Variants in PLAUR observed in about 807,000 individuals in gnomAD.
PLAUR encodes the protein plasminogen activator, urokinase receptor, also known as urokinase plasminogen activator surface receptor.
In PLAUR, 22 loss-of-function variants were observed where a neutral mutation model predicts 33.4. The ratio of observed to expected loss-of-function variants is 0.66; its 90% CI spans 0.47 to 0.94. The LOEUF (loss-of-function observed/expected upper bound fraction) is 0.94, where lower values mean the gene tolerates loss of function less well. PLAUR is among the 40% of genes least tolerant of loss of function. The pLI is 0.00. For synonymous variants in PLAUR, 148 were observed against 167.3 expected (o/e 0.88, Z 0.89); for missense variants, 408 against 434.7 (o/e 0.94, Z 0.55).
intron 3 of PLAUR, chr19:43,661,164 C>T (rs1390104642): frequency 6.6e-6 from 1 of 152,196 alleles, no homozygotes; most frequent in East Asian, 1.9e-4. Context: ...TTTCTGTGGT[C>T]CCATCCATTC....
chr19:43,669,401 T>G (rs1049479988), intron 1 of PLAUR, among the ~76,000 whole-genome samples: 23 of 152,220 alleles, frequency 1.5e-4, no homozygotes, highest in African/African-American at 5.5e-4. Flanking sequence ...CTGTGTGATT[T>G]TAGGCCAGTT....
At chr19:43,665,757 C>G (rs1265999701) in intron 2 of PLAUR, among the ~76,000 whole-genome samples, 1 of 22,036 alleles carries the variant, frequency 4.5e-5, no homozygotes, top group African/African-American at 1.7e-4. Context: ...GCCTTGACCT[C>G]CCAGGCTCAA....
rs1290637565 is a variant in PLAUR at position 43,655,515 on chromosome 19, G to A, written c.531C>T (p.Gly177=). The change falls in exon 5 of 7, where the codon GGC becomes GGT. Residue 177 remains glycine (G), a synonymous_variant. Transcript: ENST00000340093. ...TGTCGTTGTTGTGGAAACCATTGGAGCCCGGGCAGCCGGGAAGGTAGCCAC... is the reference window on the plus strand; with the variant it reads ...TGTCGTTGTTGTGGAAACCATTGGAACCCGGGCAGCCGGGAAGGTAGCCAC... ...RGCGYLPGCP[G]SNGFHNNDTF... 2 of 1,614,096 alleles carry A rather than the reference G, an allele frequency of 1.2e-6. No individual in the cohort carries two copies. The highest frequency in any genetic ancestry group is 1.7e-5 in the Admixed American group (1 of 60,002).
At chr19:43,662,746 G>A (rs1214544320) in intron 3 of PLAUR, among the ~76,000 whole-genome samples, 5 of 146,844 alleles carry the variant, frequency 3.4e-5, no homozygotes, top group Non-Finnish European at 4.5e-5. Context: ...GCAGGATCTC[G>A]CTCTGTCACC....
intron 2 of PLAUR, among the ~76,000 whole-genome samples, chr19:43,666,371 G>A (rs370519476): frequency 6.6e-6 from 1 of 152,042 alleles, no homozygotes; most frequent in Non-Finnish European, 1.5e-5. Flanking sequence ...AGCTGCAGTA[G>A]AGCGCTCCAT....
downstream of PLAUR, among the ~76,000 whole-genome samples, chr19:43,648,299 C>A (rs934179610): frequency 6.6e-6 from 1 of 152,060 alleles, no homozygotes; most frequent in Non-Finnish European, 1.5e-5. Flanking sequence ...CCTCAGCCTC[C>A]CGAATAGCTG....
chr19:43,664,780 A>T (rs1276759978), intron 3 of PLAUR, among the ~76,000 whole-genome samples: 1 of 152,058 alleles, frequency 6.6e-6, no homozygotes, highest in Non-Finnish European at 1.5e-5. Flanking sequence ...TATTGCTTGG[A>T]CCATCTCCCG....
chr19:43,658,947 A>T (rs1974320009), intron 3 of PLAUR, among the ~76,000 whole-genome samples: 1 of 151,454 alleles, frequency 6.6e-6, no homozygotes, highest in Admixed American at 6.6e-5. Context: ...ACTTTCTCTA[A>T]CTCCTATTCA....
intron 6 of PLAUR, among the ~76,000 whole-genome samples, chr19:43,649,973 C>T (rs1171457017): frequency 6.6e-6 from 1 of 150,610 alleles, no homozygotes; most frequent in African/African-American, 2.4e-5. Flanking sequence ...AAGAGATGTG[C>T]AACACAGCAA....
chr19:43,658,322 C>T (rs1358075306), intron 3 of PLAUR, among the ~76,000 whole-genome samples: 1 of 152,134 alleles, frequency 6.6e-6, no homozygotes, highest in African/African-American at 2.4e-5. Context: ...ATGACTGCAG[C>T]CCCAGCTGAC....
chr19:43,663,729 C>T (rs534741871), intron 3 of PLAUR, among the ~76,000 whole-genome samples: 20 of 148,700 alleles, frequency 1.3e-4, no homozygotes, highest in African/African-American at 4.5e-4. Context: ...TGCAGAGAGC[C>T]GAGATCGTGG....
At chr19:43,652,110 A>G (rs1974016836) in intron 6 of PLAUR, 115 bp downstream of exon 6, 6 of 1,532,714 alleles carry the variant, frequency 3.9e-6, no homozygotes, top group Non-Finnish European at 4.4e-6. Flanking sequence ...AGGAAATCCC[A>G]CCTTTTCCAC....
chr19:43,646,156 C>A, downstream of PLAUR: 1 of 233,200 alleles, frequency 4.3e-6, no homozygotes, highest in Non-Finnish European at 8.5e-6. Context: ...CCAGGCTGAT[C>A]TTGAACTCCT....
chr19:43,666,407 T>C (rs1259635845), intron 2 of PLAUR, among the ~76,000 whole-genome samples: 2 of 152,184 alleles, frequency 1.3e-5, no homozygotes, highest in Admixed American at 6.5e-5. Context: ...ACAGTGTTTC[T>C]CTTCTGCTGC....
intron 1 of PLAUR, among the ~76,000 whole-genome samples, chr19:43,668,916 C>T (rs1372980435): frequency 1.3e-5 from 2 of 152,084 alleles, no homozygotes; most frequent in African/African-American, 4.8e-5. Context: ...CCCTCTGGCT[C>T]CTCCCCGACA....
intron 5 of PLAUR, among the ~76,000 whole-genome samples, chr19:43,654,560 C>A (rs550704721): frequency 5.9e-5 from 9 of 152,130 alleles, no homozygotes; most frequent in Non-Finnish European, 1.0e-4. Flanking sequence ...CAAAGCAAGA[C>A]CCCATCTCTA....
chr19:43,655,712 A>C, intron 4 of PLAUR, 139 bp from the exon 5 acceptor site: 1 of 760,188 alleles, frequency 1.3e-6, no homozygotes, highest in Non-Finnish European at 2.1e-6. Flanking sequence ...TAGAACAGTC[A>C]TAGATCTTGT....
chr19:43,648,363 G>A (rs1358245979), downstream of PLAUR, among the ~76,000 whole-genome samples: 1 of 152,066 alleles, frequency 6.6e-6, no homozygotes, highest in Non-Finnish European at 1.5e-5. Context: ...TAATCAAGAG[G>A]AACTAAGAAT....
intron 5 of PLAUR, among the ~76,000 whole-genome samples, 152 bp downstream of exon 5, chr19:43,655,276 CAAAAAAAAAAA>C (rs34689348): frequency 1.5e-4 from 10 of 66,190 alleles, no homozygotes; most frequent in African/African-American, 3.6e-4. Flanking sequence ...GACTCCGTCT[CAAAAAAAAAAA>C]AAAAAAAAAA....
Sources: allele counts gnomAD v4.1 joint callset (sites outside exome capture counted in the v4.1 genomes callset), GRCh38; gene constraint gnomAD v4.1.1; transcripts MANE v1.5; gene names NCBI Gene and HGNC (gene_info 2026-07-23, HGNC 2026-07-21).